The following TMEM161A variants were observed in gnomAD, a reference collection of about 807,000 sequenced individuals.
The protein encoded by TMEM161A is adaptive response to oxidative stress protein 29.
A neutral mutation model predicts 57.1 loss-of-function variants in TMEM161A; 46 were observed. That is an observed-to-expected ratio of 0.81 (90% confidence interval 0.64 to 1.03). The LOEUF (loss-of-function observed/expected upper bound fraction) is 1.03, where lower values mean the gene tolerates loss of function less well. Among genes scored for constraint, TMEM161A ranks in the 50% least tolerant of loss-of-function variants. TMEM161A has a pLI of 0.00. For missense variants in TMEM161A, 601 were observed against 621.5 expected, an observed-to-expected ratio of 0.97 and a Z score of 0.35; for synonymous variants, 288 against 279.0, an observed-to-expected ratio of 1.03 and a Z score of -0.32.
At chr19:19,128,533 ATTTTTTTT>A (rs755755153) in intron 6 of TMEM161A, among the ~76,000 whole-genome samples, 2 of 110,546 alleles carry the variant, frequency 1.8e-5, no homozygotes, top group African/African-American at 3.4e-5. Flanking sequence ...CCTGGCCTAC[ATTTTTTTT>A]TTTTTTTTTT....
intron 1 of TMEM161A, among the ~76,000 whole-genome samples, chr19:19,136,867 G>A (rs2059987040): frequency 6.6e-6 from 1 of 151,938 alleles, no homozygotes; most frequent in Admixed American, 6.6e-5. Context: ...GGGACCATGA[G>A]TGCCAGCCCA....
In TMEM161A at chr19:19,132,979, T is replaced by A; in HGVS notation, c.188+151A>T. 1 of 747,202 alleles carries A rather than the reference T, an allele frequency of 1.3e-6. No homozygotes were observed. The allele number at this position is 747,202 out of a possible 1,614,324, so 46.3% of individuals were successfully genotyped here. On this transcript the variant is annotated intron_variant, in intron 3 of 11. Transcript: ENST00000162044. The surrounding 1 kb of genome is among the most constrained non-coding windows in gnomAD (Gnocchi z 4.3). Reference sequence around the variant, plus strand: ...CAGTGACCATCTCCTTGGACTAGGGTCTCCCGGTTCACCTGTGCCCAGATC... The same window carrying A: ...CAGTGACCATCTCCTTGGACTAGGGACTCCCGGTTCACCTGTGCCCAGATC...
intron 6 of TMEM161A, among the ~76,000 whole-genome samples, chr19:19,126,036 C>T (rs557002462): frequency 1.3e-5 from 2 of 151,462 alleles, no homozygotes; most frequent in Admixed American, 1.3e-4. Flanking sequence ...GAGGCTGAGG[C>T]GGGTGGATTG....
At chr19:19,134,140 C>T (rs141182597) in intron 2 of TMEM161A, among the ~76,000 whole-genome samples, 1 of 151,884 alleles carries the variant, frequency 6.6e-6, no homozygotes, top group African/African-American at 2.4e-5. Context: ...GAAAGCATCA[C>T]AGACCCACGC....
At chr19:19,136,213 AGTG>A (rs1489886032) in intron 1 of TMEM161A, among the ~76,000 whole-genome samples, 11 of 152,270 alleles carry the variant, frequency 7.2e-5, no homozygotes, top group African/African-American at 2.6e-4. Context: ...GCTGTCTACT[AGTG>A]TTCTGGAATT....
At position 19,130,261 on chromosome 19, in the gene TMEM161A, C is replaced by G. The variant is rs148769194; in HGVS notation, c.490G>C (p.Gly164Arg). The G allele has an allele frequency of 1.6e-4, 253 of 1,613,888 alleles. 1 individual carries two copies. The Middle Eastern group carries it at 1.6e-3, about 11-fold the overall frequency. Residue 164 changes from glycine (G) to arginine (R), a missense_variant, in exon 6 of 12, where the codon GGG becomes CGG. Physicochemically the swap from Gly to Arg is moderately radical, Grantham distance 125. Transcript: ENST00000162044. ...GTGAGGCAGACAGAGCGCTCACCCCCCTCCTCGGCGCTGAAGTACAGCCGT... is the reference window on the plus strand; with the variant it reads ...GTGAGGCAGACAGAGCGCTCACCCCGCTCCTCGGCGCTGAAGTACAGCCGT... ...VTRLYFSAEEGGERSVCLTFA... is the reference protein window; with the variant it reads ...VTRLYFSAEERGERSVCLTFA...
chr19:19,123,143 A>C (rs910312481), intron 6 of TMEM161A, among the ~76,000 whole-genome samples: 5 of 152,238 alleles, frequency 3.3e-5, no homozygotes, highest in Admixed American at 2.0e-4. Flanking sequence ...TCCAACTCAG[A>C]AAAACAAGTA....
At chr19:19,128,533 AT>A (rs755755153) in intron 6 of TMEM161A, among the ~76,000 whole-genome samples, 1,493 of 110,532 alleles carry the variant, frequency 0.014, 9 homozygotes, top group African/African-American at 0.025. Flanking sequence ...CCTGGCCTAC[AT>A]TTTTTTTTTT....
intron 6 of TMEM161A, among the ~76,000 whole-genome samples, chr19:19,123,549 A>C (rs1433106553): frequency 6.6e-6 from 1 of 152,242 alleles, no homozygotes; most frequent in African/African-American, 2.4e-5. Flanking sequence ...CAGTAATCAC[A>C]ATAAATGTAA....
chr19:19,131,868 C>A (rs571803316), intron 5 of TMEM161A, among the ~76,000 whole-genome samples: 361 of 151,600 alleles, frequency 2.4e-3, no homozygotes, highest in Non-Finnish European at 3.4e-3. Flanking sequence ...ACCATGTTGG[C>A]CAGGCTGGTC....
rs1271125604 is a variant in TMEM161A, at chr19:19,120,030, A to G, written c.1340T>C (p.Leu447Pro). 3 of 1,600,388 alleles carry G rather than the reference A, an allele frequency of 1.9e-6. No homozygotes were observed. Among genetic ancestry groups the G allele is most frequent in the Non-Finnish European group, 2.6e-6 (3 of 1,174,334 alleles). ...ALGGLLTPLFLRGVLAYLIWW... is the reference protein window; with the variant it reads ...ALGGLLTPLFPRGVLAYLIWW... ...GATGAGGTAGGCCAGGACGCCACGG[A>G]GGAAGAGGGGAGTAAGCAGGCCACC... The change falls in exon 12 of 12, where the codon CTC becomes CCC. Residue 447 changes from leucine to proline, a missense_variant. Physicochemically the swap from Leu to Pro is moderately conservative, Grantham distance 98 (BLOSUM62 -3). Coordinates refer to ENST00000162044, the MANE Select transcript of TMEM161A (RefSeq NM_017814.3).
intron 6 of TMEM161A, 104 bp downstream of exon 6, chr19:19,130,052 T>C (rs2059950177): frequency 2.2e-6 from 3 of 1,373,206 alleles, no homozygotes. Flanking sequence ...AGGAGCCCAC[T>C]CCTTTGCCTA....
rs2059904635 is a variant in TMEM161A, at chr19:19,120,678, C to G, written c.1186+87G>C. On this transcript the variant is annotated intron_variant, in intron 11 of 11. Transcript: ENST00000162044. ...CTGCCTAGGCCCCGCCTCTCCCCCC[C>G]CACCGCGGTCCCCGCCAGAGTCCAC... The G allele has an allele frequency of 4.7e-6, 6 of 1,277,672 alleles. No homozygotes were observed. The South Asian group carries it at 5.0e-5, about 11-fold the overall frequency. 79.1% of individuals were successfully genotyped at this position (1,277,672 alleles called of 1,614,324 possible).
intron 1 of TMEM161A, among the ~76,000 whole-genome samples, chr19:19,138,051 C>G (rs1406581329): frequency 6.6e-6 from 1 of 151,770 alleles, no homozygotes; most frequent in Admixed American, 6.6e-5. Flanking sequence ...GACCCCCGTC[C>G]CCAGAGTGGA....
rs756408841 is a variant in TMEM161A at position 19,132,753 on chromosome 19, A to C, written c.190T>G (p.Trp64Gly). Reference sequence around the variant, plus strand: ...TTCTCCTCACTAAGGCCATTGGCCCACCTGGGAGGATGGTGACAAGCAAGA... The same window carrying C: ...TTCTCCTCACTAAGGCCATTGGCCCCCCTGGGAGGATGGTGACAAGCAAGA... ...KPRPRGRKERWANGLSEEKPL... is the reference protein window; with the variant it reads ...KPRPRGRKERGANGLSEEKPL... The change falls in exon 4 of 12, where the codon TGG (tryptophan) becomes GGG (glycine). Residue 64 changes from tryptophan (W) to glycine (G), a missense_variant and splice_region_variant. By Grantham distance (184) the Trp-to-Gly change is radical. Coordinates refer to ENST00000162044, the MANE Select transcript of TMEM161A (RefSeq NM_017814.3). The surrounding 1 kb of genome is among the most constrained non-coding windows in gnomAD (Gnocchi z 4.3). The C allele has an allele frequency of 1.3e-6, 2 of 1,532,620 alleles. No homozygotes were observed. The highest frequency in any genetic ancestry group is 4.3e-5 in the Admixed American group (2 of 47,050). 94.9% of individuals were successfully genotyped at this position (1,532,620 alleles called of 1,614,324 possible). A position where few individuals can be genotyped will look rare whatever the true frequency, so the allele number is the denominator to read the frequency against.
chr19:19,132,531 C>T lies in TMEM161A; in HGVS notation c.287-23G>A, dbSNP rs1281606187. The T allele has an allele frequency of 2.5e-6, 4 of 1,608,038 alleles. No individual in the cohort carries two copies. On this transcript the variant is annotated intron_variant, in intron 4 of 11. Coordinates refer to ENST00000162044, the MANE Select transcript of TMEM161A (RefSeq NM_017814.3). This position sits in a 1 kb window ranked among gnomAD's most constrained non-coding sequence, Gnocchi z 4.3. ...GGACTGTGGGGGGCACTCTGCTCAG[C>T]CCTGGGGCCCAGCTCGCTCCCCTCC...
chr19:19,127,996 T>C (rs1342729981), intron 6 of TMEM161A, among the ~76,000 whole-genome samples: 4 of 152,108 alleles, frequency 2.6e-5, no homozygotes, highest in East Asian at 1.9e-4. Context: ...CTTGAGGACA[T>C]TGTGCTAACT....
At chr19:19,122,630 C>T (rs2059915991) in intron 6 of TMEM161A, among the ~76,000 whole-genome samples, 2 of 151,872 alleles carry the variant, frequency 1.3e-5, no homozygotes, top group Admixed American at 1.3e-4. Flanking sequence ...AAATACAAAA[C>T]CAGGGGTGGT....
chr19:19,119,811 C>T lies in TMEM161A; in HGVS notation c.*119G>A. ...GGGTCAGGCACTGTGGTGAAGGGAA[C>T]GCCGGGGAGTCCGGCCCCACCTTGC... is the stretch of plus-strand genomic sequence containing the variant. On this transcript the variant is annotated 3_prime_UTR_variant, in exon 12 of 12. Transcript: ENST00000162044. The T allele has an allele frequency of 1.5e-6, 2 of 1,324,124 alleles. No homozygotes were observed. Among genetic ancestry groups the T allele is most frequent in the South Asian group, 2.9e-5 (2 of 69,302 alleles). The allele number at this position is 1,324,124 out of a possible 1,614,324, so 82.0% of individuals were successfully genotyped here. A position where few individuals can be genotyped will look rare whatever the true frequency, so the allele number is the denominator to read the frequency against.
Sources: gnomAD v4.1 joint callset for allele counts (sites outside exome capture counted in the v4.1 genomes callset) on GRCh38, gnomAD v4.1.1 for gene constraint, Gnocchi (gnomAD v3.1) non-coding constraint, MANE v1.5 for transcripts, NCBI Gene and HGNC (gene_info 2026-07-23, HGNC 2026-07-21) for gene names.